The following CHN2 variants were observed in gnomAD, a reference collection of about 807,000 sequenced individuals.
CHN2 encodes chimerin 2.
In CHN2, 35 loss-of-function variants were observed where a neutral mutation model predicts 56.3. That is an observed-to-expected ratio of 0.62 (90% CI 0.47 to 0.82). CHN2 has a LOEUF of 0.82. Among genes scored for constraint, CHN2 ranks in the 40% least tolerant of loss-of-function variants. The pLI is 0.00. For synonymous variants in CHN2, 210 were observed against 212.8 expected, an observed-to-expected ratio of 0.99 and a Z score of 0.12; for missense variants, 491 against 580.5, an observed-to-expected ratio of 0.85 and a Z score of 1.58.
At chr7:29,151,321 A>G (rs1368831885) in intron 2 of CHN2, among the ~76,000 whole-genome samples, 2 of 152,136 alleles carry the variant, frequency 1.3e-5, no homozygotes, top group Non-Finnish European at 2.9e-5. Flanking sequence ...GTCTTTTGTA[A>G]GTGAGCCTAT....
intron 1 of CHN2, among the ~76,000 whole-genome samples, chr7:29,335,114 C>CAA (rs1399642386): frequency 2.6e-5 from 4 of 152,150 alleles, no homozygotes; most frequent in African/African-American, 9.7e-5. Context: ...CAATAGTGGT[C>CAA]AAGAACAGAG....
rs184063102 is a variant in CHN2 at position 29,306,904 on chromosome 7, G to C, written c.50-47721G>C. 2.2e-3 allele frequency among the ~76,000 whole-genome samples: 337 copies of C among 152,312 alleles called. 4 individuals are homozygous for C. The highest frequency in any genetic ancestry group is 3.7e-3 in the Admixed American group (56 of 15,302). On this transcript the variant is annotated intron_variant, in intron 1 of 12. Coordinates refer to ENST00000222792, the MANE Select transcript of CHN2 (RefSeq NM_004067.4). ...ACACAATAATGAGTGTTTCCATCCA[G>C]TGGTGTGAAGCATGTGGAATAATTA...
At chr7:29,425,090 T>C (rs538055266) in intron 6 of CHN2, among the ~76,000 whole-genome samples, 62 of 152,346 alleles carry the variant, frequency 4.1e-4, no homozygotes, top group African/African-American at 1.5e-3. Context: ...AACAACCATC[T>C]CTATGACAGC....
chr7:29,502,110 A>T (rs1391546666), intron 9 of CHN2, among the ~76,000 whole-genome samples: 1 of 152,000 alleles, frequency 6.6e-6, no homozygotes, highest in Non-Finnish European at 1.5e-5. Context: ...CCACACCCAT[A>T]CCTCCACCTC....
intron 1 of CHN2, among the ~76,000 whole-genome samples, chr7:29,311,996 T>A (rs2128887087): frequency 6.6e-6 from 1 of 152,324 alleles, no homozygotes; most frequent in Middle Eastern, 3.4e-3. Context: ...CCTGTATCCA[T>A]GCTTCTCTAG....
intron 1 of CHN2, among the ~76,000 whole-genome samples, chr7:29,311,767 A>G (rs11975583): frequency 0.049 from 7,477 of 152,300 alleles, 249 homozygotes; most frequent in African/African-American, 0.088. Flanking sequence ...ATCTCATAAT[A>G]AACACTGATT....
intron 7 of CHN2, among the ~76,000 whole-genome samples, chr7:29,491,228 G>C (rs1311925437): frequency 1.3e-5 from 2 of 151,990 alleles, no homozygotes; most frequent in African/African-American, 4.8e-5. Flanking sequence ...TGTGTTTCTT[G>C]AAAGGATTTT....
At position 29,212,273 on chromosome 7, in the gene CHN2, T is replaced by A. The variant is rs1174081563; in HGVS notation, c.49+17283T>A. The stretch of plus-strand genomic sequence containing the variant: ...CCTTTTTTCCAGTCCACCTCTTAAA[T>A]TTTTTCCCCCTCTTCCTCAATACTA... On this transcript the variant is annotated intron_variant, in intron 1 of 12. Coordinates refer to ENST00000222792, the MANE Select transcript of CHN2 (RefSeq NM_004067.4). 32 of 1,020,392 alleles carry A rather than the reference T, an allele frequency of 3.1e-5. No individual in the cohort carries two copies. The East Asian group carries it at 5.5e-4, about 17-fold the overall frequency. 63.2% of individuals were successfully genotyped at this position (1,020,392 alleles called of 1,614,324 possible).
chr7:29,349,491 G>A (rs1333949592), intron 1 of CHN2, among the ~76,000 whole-genome samples: 4 of 152,190 alleles, frequency 2.6e-5, no homozygotes, highest in African/African-American at 4.8e-5. Flanking sequence ...GCTCTCAACC[G>A]CAAACTCTCA....
At chr7:29,196,037 A>G (rs1294830701) in intron 1 of CHN2, among the ~76,000 whole-genome samples, 1 of 152,218 alleles carries the variant, frequency 6.6e-6, no homozygotes, top group Non-Finnish European at 1.5e-5. Flanking sequence ...GAAGTGCTTC[A>G]ATATATTAAT....
At chr7:29,427,978 CAT>C (rs1288268564) in intron 6 of CHN2, among the ~76,000 whole-genome samples, 2 of 152,046 alleles carry the variant, frequency 1.3e-5, no homozygotes, top group Non-Finnish European at 2.9e-5. Context: ...GTTTATGTGA[CAT>C]GTTTGGAATA....
At chr7:29,263,273 G>T (rs1789725782) in intron 1 of CHN2, among the ~76,000 whole-genome samples, 1 of 152,206 alleles carries the variant, frequency 6.6e-6, no homozygotes, top group South Asian at 2.1e-4. Flanking sequence ...CGAGTGGTCT[G>T]CCCGCCTCGG....
intron 6 of CHN2, among the ~76,000 whole-genome samples, chr7:29,463,450 T>C (rs1785320855): frequency 6.6e-6 from 1 of 152,088 alleles, no homozygotes; most frequent in Non-Finnish European, 1.5e-5. Context: ...ACAGACACTC[T>C]TTCTCCTTAG....
At chr7:29,413,585 T>C (rs1803449736) in intron 6 of CHN2, among the ~76,000 whole-genome samples, 1 of 152,234 alleles carries the variant, frequency 6.6e-6, no homozygotes, top group Admixed American at 6.5e-5. Context: ...TTCATTCTGC[T>C]TCATGACAAC....
rs533178836 is a variant in CHN2, at chr7:29,358,321, C to G, written c.88+3658C>G. ...GCTAAGGTGGGAGCATCACTTGAGC[C>G]CAGGAGTTTGAGGCTGTAGGGAGCT... On this transcript the variant is annotated intron_variant, in intron 2 of 12. Coordinates refer to ENST00000222792, the MANE Select transcript of CHN2 (RefSeq NM_004067.4). Among the ~76,000 whole-genome samples, 3 of 152,148 alleles carry G rather than the reference C, an allele frequency of 2.0e-5. No homozygotes were observed. In the East Asian group the frequency reaches 5.8e-4, roughly 29 times the overall value.
At chr7:29,151,496 A>G (rs950340461) in intron 2 of CHN2, among the ~76,000 whole-genome samples, 24 of 152,196 alleles carry the variant, frequency 1.6e-4, no homozygotes, top group African/African-American at 5.3e-4. Flanking sequence ...CATGGCCACT[A>G]AGGACAGCTG....
intron 4 of CHN2, chr7:29,397,380 A>G (rs947149360): frequency 2.0e-5 from 3 of 152,230 alleles, no homozygotes; most frequent in African/African-American, 7.2e-5. Context: ...CTCTTCAAGA[A>G]AGTAAAGGTG....
At chr7:29,190,539 CCAT>C (rs1782757013), upstream of CHN2, among the ~76,000 whole-genome samples, 3 of 152,130 alleles carry the variant, frequency 2.0e-5, no homozygotes, top group African/African-American at 7.2e-5. Context: ...AATTACACCA[CCAT>C]AAGAGCTACC....
intron 6 of CHN2, among the ~76,000 whole-genome samples, chr7:29,444,611 G>T (rs554421151): frequency 3.9e-4 from 59 of 152,344 alleles, no homozygotes; most frequent in African/African-American, 1.4e-3. Flanking sequence ...CAAGGCCTCT[G>T]CAGGCCTAAG....
Sources: allele counts gnomAD v4.1 joint callset (sites outside exome capture counted in the v4.1 genomes callset), GRCh38; gene constraint gnomAD v4.1.1; transcripts MANE v1.5; gene names NCBI Gene and HGNC (gene_info 2026-07-23, HGNC 2026-07-21).